RIMKLB: variants seen among roughly 807,000 people sequenced by gnomAD.
RIMKLB encodes ribosomal modification protein rimK like family member B.
Under a neutral mutation model 32.0 loss-of-function variants are expected in RIMKLB, and 7 were observed. The ratio of observed to expected loss-of-function variants is 0.22; its 90% confidence interval spans 0.12 to 0.41. RIMKLB has a LOEUF of 0.41. Ranked by LOEUF, RIMKLB falls within the 10% of genes least tolerant of loss-of-function variation. RIMKLB has a pLI of 1.00. For synonymous variants in RIMKLB, 172 were observed against 185.1 expected (o/e 0.93, Z 0.57); for missense variants, 289 against 498.7 (o/e 0.58, Z 4.00).
At chr12:8,760,916 C>A (rs1457903693) in intron 5 of RIMKLB, among the ~76,000 whole-genome samples, 3 of 152,084 alleles carry the variant, frequency 2.0e-5, no homozygotes, top group African/African-American at 4.8e-5. Flanking sequence ...ATGGTAGTTT[C>A]TTTTGCTGTG....
chr12:8,692,412 C>G (rs1349443855), upstream of RIMKLB, among the ~76,000 whole-genome samples: 1 of 152,136 alleles, frequency 6.6e-6, no homozygotes, highest in Non-Finnish European at 1.5e-5. Flanking sequence ...ATTTTAGATG[C>G]TTTGAGTTGC....
In RIMKLB at chr12:8,773,996, G is replaced by A. The variant is rs910078996; in HGVS notation, c.*212G>A. 9.6e-6 allele frequency: 13 copies of A among 1,358,046 alleles called. No homozygotes were observed. The highest frequency in any genetic ancestry group is 1.1e-5 in the Non-Finnish European group (12 of 1,059,120). The allele number at this position is 1,358,046 out of a possible 1,614,324, so 84.1% of individuals were successfully genotyped here. On this transcript the variant is annotated 3_prime_UTR_variant, in exon 6 of 6. Transcript: ENST00000535829. ...TCCTACAAATAGAGAGGCAGAATAG[G>A]TGGGGTATAGAAAAATGTCAGGCTC...
chr12:8,698,586 T>A (rs1327370558), intron 1 of RIMKLB, among the ~76,000 whole-genome samples: 1 of 152,006 alleles, frequency 6.6e-6, no homozygotes, highest in Non-Finnish European at 1.5e-5. Flanking sequence ...GGCGGCGACT[T>A]CGGGCGTGTA....
chr12:8,695,252 A>G (rs1942854064), upstream of RIMKLB, among the ~76,000 whole-genome samples: 1 of 139,816 alleles, frequency 7.2e-6, no homozygotes, highest in African/African-American at 2.7e-5. Context: ...ATATTAATTC[A>G]CTGGTTAAAA....
At chr12:8,770,120 A>G (rs993503926) in intron 5 of RIMKLB, among the ~76,000 whole-genome samples, 7 of 151,766 alleles carry the variant, frequency 4.6e-5, no homozygotes, top group Admixed American at 4.6e-4. Context: ...CTGCCACCAC[A>G]CCCAGCTAAT....
At chr12:8,730,616 A>G (rs1003066857) in intron 2 of RIMKLB, among the ~76,000 whole-genome samples, 7 of 152,270 alleles carry the variant, frequency 4.6e-5, no homozygotes, top group African/African-American at 1.4e-4. Context: ...ACACCCTCCA[A>G]TTTTACGTAG....
chr12:8,765,278 C>T (rs1949862099), intron 5 of RIMKLB, among the ~76,000 whole-genome samples: 1 of 152,024 alleles, frequency 6.6e-6, no homozygotes, highest in Non-Finnish European at 1.5e-5. Context: ...TTCTAGCACG[C>T]AAGTTAGCAA....
chr12:8,755,063 T>G (rs1565403634), intron 5 of RIMKLB, among the ~76,000 whole-genome samples: 1 of 152,256 alleles, frequency 6.6e-6, no homozygotes, highest in East Asian at 1.9e-4. Flanking sequence ...GTGATTCTCC[T>G]GCCTTAGCCT....
intron 2 of RIMKLB, among the ~76,000 whole-genome samples, chr12:8,740,652 G>A (rs986758040): frequency 1.3e-5 from 2 of 152,210 alleles, no homozygotes; most frequent in Admixed American, 6.5e-5. Flanking sequence ...CCAGGAAGAT[G>A]CTTTATTCTT....
chr12:8,676,976 G>A (rs751511773), upstream of RIMKLB, among the ~76,000 whole-genome samples: 6 of 152,026 alleles, frequency 3.9e-5, no homozygotes, highest in Non-Finnish European at 7.4e-5. Context: ...CACCCTGGCC[G>A]TGCTATAGTC....
chr12:8,701,006 C>T (rs1404615800), intron 1 of RIMKLB, among the ~76,000 whole-genome samples: 5 of 151,838 alleles, frequency 3.3e-5, no homozygotes, highest in Non-Finnish European at 5.9e-5. Context: ...GTGGAGGTTG[C>T]GGTGAGCCGA....
chr12:8,752,476 C>T (rs1035056385), intron 4 of RIMKLB, among the ~76,000 whole-genome samples: 3 of 151,624 alleles, frequency 2.0e-5, no homozygotes, highest in African/African-American at 7.3e-5. Flanking sequence ...TGCTTGAACC[C>T]GGGAGGCGGA....
intron 1 of RIMKLB, among the ~76,000 whole-genome samples, chr12:8,711,051 C>T (rs1944332798): frequency 1.3e-5 from 2 of 151,080 alleles, no homozygotes; most frequent in South Asian, 4.2e-4. Flanking sequence ...CATGGCAAAA[C>T]CCCATATCTA....
chr12:8,740,863 A>T (rs140326141), intron 2 of RIMKLB, among the ~76,000 whole-genome samples: 1 of 152,314 alleles, frequency 6.6e-6, no homozygotes, highest in Non-Finnish European at 1.5e-5. Context: ...ACTTGAGGTC[A>T]GGAGTTCAAG....
At position 8,753,849 on chromosome 12, in the gene RIMKLB, A is replaced by G. The variant is rs372227372; in HGVS notation, c.494-41A>G. On this transcript the variant is annotated intron_variant, in intron 4 of 5. Coordinates refer to ENST00000535829, the MANE Select transcript of RIMKLB (RefSeq NM_001297776.2). ...AGATAATAGGTATCATCTGCCCACAATTGATGACTTAACATGTATTTTTAT... is the reference window on the plus strand; with the variant it reads ...AGATAATAGGTATCATCTGCCCACAGTTGATGACTTAACATGTATTTTTAT... 1.6e-5 allele frequency: 24 copies of G among 1,506,548 alleles called. No individual in the cohort carries two copies. In the African/African-American group the frequency reaches 2.3e-4, roughly 15 times the overall value. The allele number at this position is 1,506,548 out of a possible 1,614,324, so 93.3% of individuals were successfully genotyped here.
At position 8,776,867 on chromosome 12, in the gene RIMKLB, A is replaced by G. The variant is rs1565436950; in HGVS notation, c.*3083A>G. On this transcript the variant is annotated 3_prime_UTR_variant, in exon 6 of 6. Transcript: ENST00000535829. ...CATATTGAAGGCATTGACTTTGAAA[A>G]TCATCTCTTTTTCTCAAGAAGAAAG... The G allele has an allele frequency of 6.1e-6, 6 of 985,808 alleles. No individual in the cohort carries two copies. In the South Asian group the frequency reaches 2.8e-4, roughly 46 times the overall value. The allele number at this position is 985,808 out of a possible 1,614,324, so 61.1% of individuals were successfully genotyped here.
At chr12:8,745,659 GCTAGGATTA>G (rs1948015612) in intron 2 of RIMKLB, among the ~76,000 whole-genome samples, 1 of 148,928 alleles carries the variant, frequency 6.7e-6, no homozygotes, top group Admixed American at 6.7e-5. Flanking sequence ...CTCCCAAAGT[GCTAGGATTA>G]CAGGCGTGAG....
At chr12:8,674,986 C>T in the RIMKLB span, among the ~76,000 whole-genome samples, 1 of 151,572 alleles carries the variant, frequency 6.6e-6, no homozygotes, top group South Asian at 2.1e-4. Flanking sequence ...GCCTCAGCCT[C>T]CCGAGTAGCC....
chr12:8,671,674 A>G, the RIMKLB span, among the ~76,000 whole-genome samples: 21 of 152,218 alleles, frequency 1.4e-4, no homozygotes, highest in African/African-American at 4.8e-4. Context: ...GCACTTTGGG[A>G]GGCCCAGGTG....
Sources: gnomAD v4.1 joint callset for allele counts (sites outside exome capture counted in the v4.1 genomes callset) on GRCh38, gnomAD v4.1.1 for gene constraint, MANE v1.5 for transcripts, NCBI Gene and HGNC (gene_info 2026-07-23, HGNC 2026-07-21) for gene names.